ELAVL4: variants seen among roughly 807,000 people sequenced by gnomAD.
ELAVL4 encodes the protein ELAV-like protein 4.
In ELAVL4, 1 loss-of-function variant was observed where a neutral mutation model predicts 35.6. That is an observed-to-expected ratio of 0.03 (90% CI 0.01 to 0.13). ELAVL4 has a LOEUF of 0.13. Ranked by LOEUF, ELAVL4 falls within the 10% of genes least tolerant of loss-of-function variation. The probability of loss-of-function intolerance (pLI) is 1.00; values close to 1 mark genes in which losing one functional copy is unlikely to be tolerated. For synonymous variants in ELAVL4, 156 were observed against 171.0 expected, an observed-to-expected ratio of 0.91 and a Z score of 0.69; for missense variants, 267 against 464.9, an observed-to-expected ratio of 0.57 and a Z score of 3.91.
In ELAVL4 at chr1:50,109,016, C is replaced by CGGCGGGG; in HGVS notation, c.-174_-173insGGCGGGG. ...CTCCTTTTCTTTTTTTTCTTTCTCT[C>CGGCGGGG]CCCCGCCCACCCCCCCAAAAATAAT... On this transcript the variant is annotated 5_prime_UTR_variant, in exon 1 of 7. Transcript: ENST00000371824. The CGGCGGGG allele has an allele frequency of 1.1e-6, 1 of 905,786 alleles. No homozygotes were observed. Among genetic ancestry groups the CGGCGGGG allele is most frequent in the Non-Finnish European group, 1.3e-6 (1 of 761,402 alleles). 56.1% of individuals were successfully genotyped at this position (905,786 alleles called of 1,614,324 possible).
At chr1:50,064,808 A>G (rs1260522889) in intron 1 of ELAVL4, among the ~76,000 whole-genome samples, 1 of 152,152 alleles carries the variant, frequency 6.6e-6, no homozygotes, top group Non-Finnish European at 1.5e-5. Flanking sequence ...TCATTTGACA[A>G]TTAGTAATAC....
chr1:50,149,525 T>C (rs1012387754), intron 2 of ELAVL4, among the ~76,000 whole-genome samples: 9 of 151,486 alleles, frequency 5.9e-5, no homozygotes, highest in Non-Finnish European at 7.4e-5. Context: ...TCACTCTCTG[T>C]GTACCCATGC....
chr1:50,135,220 T>C (rs917803492), intron 1 of ELAVL4, among the ~76,000 whole-genome samples: 5 of 152,142 alleles, frequency 3.3e-5, no homozygotes, highest in Non-Finnish European at 7.4e-5. Context: ...GCTTACCTCA[T>C]TGTTACAAAT....
upstream of ELAVL4, among the ~76,000 whole-genome samples, chr1:50,106,996 A>G (rs1666384577): frequency 6.6e-6 from 1 of 152,188 alleles, no homozygotes; most frequent in South Asian, 2.1e-4. Flanking sequence ...ATCTAAGTAA[A>G]TATTTTGTTC....
chr1:50,120,626 G>T (rs1668866721), intron 1 of ELAVL4, among the ~76,000 whole-genome samples: 1 of 151,960 alleles, frequency 6.6e-6, no homozygotes, highest in Non-Finnish European at 1.5e-5. Context: ...TCACCCTAAA[G>T]ATACTTCTAA....
chr1:50,120,940 C>T (rs1374040506), intron 1 of ELAVL4, among the ~76,000 whole-genome samples: 1 of 151,982 alleles, frequency 6.6e-6, no homozygotes, highest in East Asian at 1.9e-4. Flanking sequence ...AAAATGTACC[C>T]ACTTCAAACT....
intron 1 of ELAVL4, among the ~76,000 whole-genome samples, chr1:50,081,036 A>G (rs568935708): frequency 6.6e-6 from 1 of 152,354 alleles, no homozygotes; most frequent in South Asian, 2.1e-4. Flanking sequence ...TTTTGATTCA[A>G]GGATTAGAAG....
intron 1 of ELAVL4, among the ~76,000 whole-genome samples, chr1:50,065,069 G>A (rs902099123): frequency 2.0e-5 from 3 of 152,120 alleles, no homozygotes; most frequent in Non-Finnish European, 2.9e-5. Context: ...GAGTGGCCAG[G>A]CAACATGGGT....
chr1:50,182,513 T>TG (rs1681205891), intron 3 of ELAVL4, among the ~76,000 whole-genome samples: 2 of 152,112 alleles, frequency 1.3e-5, no homozygotes, highest in Admixed American at 1.3e-4. Flanking sequence ...AGGGCAGTCA[T>TG]GGGGCTGCAG....
intron 2 of ELAVL4, among the ~76,000 whole-genome samples, chr1:50,156,247 T>C (rs2148733671): frequency 6.6e-6 from 1 of 152,390 alleles, no homozygotes; most frequent in Non-Finnish European, 1.5e-5. Flanking sequence ...ATGTAAGTCA[T>C]GTTATCCCTT....
intron 1 of ELAVL4, among the ~76,000 whole-genome samples, chr1:50,115,578 A>T (rs1385633557): frequency 6.6e-6 from 1 of 152,084 alleles, no homozygotes; most frequent in Non-Finnish European, 1.5e-5. Flanking sequence ...TTTTTTCCAT[A>T]GGAAGTTTAG....
Position 50,201,232 on chromosome 1 carries a change from C to CA in ELAVL4, c.*55dup. The CA allele has an allele frequency of 6.8e-7, 1 of 1,468,774 alleles. No individual in the cohort carries two copies. The highest frequency in any genetic ancestry group is 9.0e-7 in the Non-Finnish European group (1 of 1,109,640). The allele number at this position is 1,468,774 out of a possible 1,614,324, so 91.0% of individuals were successfully genotyped here. A position where few individuals can be genotyped will look rare whatever the true frequency, so the allele number is the denominator to read the frequency against. On this transcript the variant is annotated 3_prime_UTR_variant, in exon 7 of 7. Coordinates refer to ENST00000371824, the MANE Select transcript of ELAVL4 (RefSeq NM_001144774.3). This position sits in a 1 kb window ranked among gnomAD's most constrained non-coding sequence, Gnocchi z 4.3. ...TATAGAAATATATACGAACAAAACA[C>CA]ACGCGCGCACACACACACATACACG...
intron 1 of ELAVL4, among the ~76,000 whole-genome samples, chr1:50,060,761 A>G (rs926419734): frequency 6.6e-6 from 1 of 152,148 alleles, no homozygotes; most frequent in Non-Finnish European, 1.5e-5. Flanking sequence ...TCCACACTTT[A>G]CAGGCCCAGA....
At chr1:50,073,005 C>T (rs776625153) in intron 1 of ELAVL4, among the ~76,000 whole-genome samples, 2 of 152,196 alleles carry the variant, frequency 1.3e-5, no homozygotes, top group Non-Finnish European at 2.9e-5. Flanking sequence ...AGTTTCACCT[C>T]AGTTAGTAGT....
At chr1:50,171,710 G>A (rs1679036234) in intron 2 of ELAVL4, among the ~76,000 whole-genome samples, 1 of 152,212 alleles carries the variant, frequency 6.6e-6, no homozygotes. Context: ...ACAGCAAGTA[G>A]TTTTGAACCA....
chr1:50,133,775 A>T (rs1671427939), intron 1 of ELAVL4, among the ~76,000 whole-genome samples: 1 of 152,194 alleles, frequency 6.6e-6, no homozygotes, highest in African/African-American at 2.4e-5. Context: ...TCTTTTCATG[A>T]ATGAACATGT....
At chr1:50,189,570 G>T (rs1682353803) in intron 3 of ELAVL4, among the ~76,000 whole-genome samples, 1 of 152,218 alleles carries the variant, frequency 6.6e-6, no homozygotes, top group Non-Finnish European at 1.5e-5. Flanking sequence ...GGAGGGCAGT[G>T]CCTCTACAGG....
At chr1:50,097,865 T>C (rs1665785576) in intron 1 of ELAVL4, among the ~76,000 whole-genome samples, 1 of 152,174 alleles carries the variant, frequency 6.6e-6, no homozygotes, top group Non-Finnish European at 1.5e-5. Flanking sequence ...TCCATTAAGA[T>C]TACTGTTCTA....
chr1:50,116,413 C>CATGT (rs1667958849), intron 1 of ELAVL4, among the ~76,000 whole-genome samples: 1 of 143,324 alleles, frequency 7.0e-6, no homozygotes, highest in African/African-American at 2.5e-5. Flanking sequence ...TGTGTGTGTG[C>CATGT]GTGTGTGTGT....
Sources: allele counts gnomAD v4.1 joint callset (sites outside exome capture counted in the v4.1 genomes callset), GRCh38; gene constraint gnomAD v4.1.1; non-coding constraint Gnocchi (gnomAD v3.1); transcripts MANE v1.5; gene names NCBI Gene and HGNC (gene_info 2026-07-23, HGNC 2026-07-21).